CRYBG1: variants seen among roughly 807,000 people sequenced by gnomAD.
CRYBG1 encodes crystallin beta-gamma domain containing 1.
A neutral mutation model predicts 189.2 loss-of-function variants in CRYBG1; 139 were observed. That is an observed-to-expected ratio of 0.73 (90% CI 0.64 to 0.85). The LOEUF (loss-of-function observed/expected upper bound fraction) is 0.85. CRYBG1 is among the 40% of genes least tolerant of loss of function. CRYBG1 has a pLI of 0.00. For missense variants in CRYBG1, 2,611 were observed against 2,675.8 expected (o/e 0.98, Z 0.53); for synonymous variants, 1,023 against 1,017.1 (o/e 1.01, Z -0.11).
chr6:106,450,429 T>A (rs559163906), intron 1 of CRYBG1, among the ~76,000 whole-genome samples: 1 of 152,202 alleles, frequency 6.6e-6, no homozygotes, highest in South Asian at 2.1e-4. Context: ...TTTTTAGTTC[T>A]CTTTCTACTT....
chr6:106,361,362 C>T (rs200589250), intron 1 of CRYBG1, among the ~76,000 whole-genome samples: 1 of 152,332 alleles, frequency 6.6e-6, no homozygotes, highest in East Asian at 1.9e-4. Context: ...AGGAGCCTCC[C>T]GCATCAGCCT....
Position 106,374,840 on chromosome 6 carries a change from A to G in CRYBG1, c.173+13759A>G, listed in dbSNP as rs538999665. Among the ~76,000 whole-genome samples, 18 of 152,312 alleles carry G rather than the reference A, an allele frequency of 1.2e-4. No individual in the cohort carries two copies. The East Asian group carries it at 3.1e-3, about 26-fold the overall frequency. ...CTAGCACTAAGTTCTTTACTGATAT[A>G]TATACTCAGTTCTAGATTACCTACT... On this transcript the variant is annotated intron_variant, in intron 1 of 21. Transcript: ENST00000633556.
chr6:106,466,357 A>G (rs1772115025), intron 2 of CRYBG1, among the ~76,000 whole-genome samples: 1 of 152,218 alleles, frequency 6.6e-6, no homozygotes, highest in African/African-American at 2.4e-5. Context: ...ACATTCATTC[A>G]AAGCTCACTG....
chr6:106,494,433 TG>T (rs1317726391), intron 2 of CRYBG1, among the ~76,000 whole-genome samples: 2 of 152,310 alleles, frequency 1.3e-5, no homozygotes, highest in Non-Finnish European at 2.9e-5. Context: ...GCATTTCAAA[TG>T]CATATTCACC....
In CRYBG1 at chr6:106,501,429, G is replaced by A. The variant is rs140624017; in HGVS notation, c.313-10001G>A. On this transcript the variant is annotated intron_variant, in intron 2 of 21. Transcript: ENST00000633556. ...TATGCCAAGTTCTGCAGACAAATTA[G>A]CTCTGTTAGAAACTACATCTGATAA... 3.2e-4 allele frequency among the ~76,000 whole-genome samples: 49 copies of A among 152,318 alleles called. No individual in the cohort carries two copies. In the East Asian group the frequency reaches 6.4e-3, roughly 20 times the overall value.
At chr6:106,554,244 G>A (rs539717000) in intron 16 of CRYBG1, among the ~76,000 whole-genome samples, 2 of 152,248 alleles carry the variant, frequency 1.3e-5, no homozygotes, top group South Asian at 2.1e-4. Context: ...TTAATCACGT[G>A]GTTCTTTATG....
In CRYBG1 at chr6:106,511,731, C is replaced by T. The variant is rs534717937; in HGVS notation, c.614C>T (p.Ala205Val). ...GELPESGGPA[A>V]PPDAELSPRW... is the part of the protein sequence containing the mutation. ...CTCCCCGAGAGCGGTGGCCCCGCAG[C>T]CCCCCCTGACGCCGAGCTGTCACCT... is the stretch of plus-strand genomic sequence containing the variant. The change falls in exon 3 of 22, where the codon GCC (alanine) becomes GTC (valine). Residue 205 changes from alanine (A) to valine (V), a missense_variant. Ala to Val is a moderately conservative substitution (Grantham distance 64, BLOSUM62 0). Around this residue, in one of 3 missense-constraint regions of CRYBG1, gnomAD observed 985 missense variants for 924.4 expected, o/e 1.07. Coordinates refer to ENST00000633556, the MANE Select transcript of CRYBG1 (RefSeq NM_001371242.2). 131 of 1,534,702 alleles carry T rather than the reference C, an allele frequency of 8.5e-5. No individual in the cohort carries two copies. The highest frequency in any genetic ancestry group is 3.7e-4 in the South Asian group (31 of 83,942).
intron 13 of CRYBG1, among the ~76,000 whole-genome samples, chr6:106,547,653 T>C (rs1341906503): frequency 1.3e-5 from 2 of 152,238 alleles, no homozygotes; most frequent in Non-Finnish European, 1.5e-5. Flanking sequence ...CTTTATTTCT[T>C]ATTATGGCAT....
intron 3 of CRYBG1, among the ~76,000 whole-genome samples, chr6:106,517,319 TATATATATACAC>T (rs1562098909): frequency 2.9e-5 from 4 of 138,176 alleles, no homozygotes; most frequent in African/African-American, 1.2e-4. Flanking sequence ...CACACACACA[TATATATATACAC>T]ATATATATAT....
chr6:106,504,096 G>A (rs1003808039), intron 2 of CRYBG1, among the ~76,000 whole-genome samples: 10 of 148,738 alleles, frequency 6.7e-5, no homozygotes, highest in African/African-American at 2.5e-4. Flanking sequence ...ACATTATGTT[G>A]AAATGACAGA....
intron 13 of CRYBG1, among the ~76,000 whole-genome samples, chr6:106,549,204 T>C (rs1774342100): frequency 6.6e-6 from 1 of 152,178 alleles, no homozygotes; most frequent in South Asian, 2.1e-4. Context: ...GGCTTTACTG[T>C]TGCTTCCTTT....
chr6:106,536,697 ATTTG>A (rs1012167251), intron 8 of CRYBG1, among the ~76,000 whole-genome samples: 6 of 152,232 alleles, frequency 3.9e-5, no homozygotes, highest in Non-Finnish European at 8.8e-5. Flanking sequence ...GTAGGTATAC[ATTTG>A]TTTGTTTAAA....
chr6:106,362,629 T>C (rs1222270357), intron 1 of CRYBG1, among the ~76,000 whole-genome samples: 1 of 152,008 alleles, frequency 6.6e-6, no homozygotes, highest in Admixed American at 6.6e-5. Context: ...TAGGTGTGAG[T>C]GGGTAAGGGT....
chr6:106,435,243 A>G (rs1267696401), intron 1 of CRYBG1, among the ~76,000 whole-genome samples: 2 of 152,006 alleles, frequency 1.3e-5, no homozygotes, highest in Non-Finnish European at 2.9e-5. Context: ...ATAGCTTACT[A>G]CAGCCTCAAA....
At chr6:106,387,132 T>C (rs1325193428) in intron 1 of CRYBG1, among the ~76,000 whole-genome samples, 1 of 152,176 alleles carries the variant, frequency 6.6e-6, no homozygotes, top group African/African-American at 2.4e-5. Context: ...CCCAAGTTAA[T>C]AAGGAATAAG....
intron 2 of CRYBG1, among the ~76,000 whole-genome samples, chr6:106,497,981 G>T (rs1397262575): frequency 6.6e-6 from 1 of 151,936 alleles, no homozygotes; most frequent in Non-Finnish European, 1.5e-5. Flanking sequence ...CACGCCTGTA[G>T]TCCCAGCTGC....
At chr6:106,403,151 A>C (rs1258320553) in intron 1 of CRYBG1, among the ~76,000 whole-genome samples, 1 of 152,148 alleles carries the variant, frequency 6.6e-6, no homozygotes, top group African/African-American at 2.4e-5. Context: ...CCTGGGCAAC[A>C]AAGCCAGACG....
chr6:106,497,228 GA>G (rs1445613099), intron 2 of CRYBG1, among the ~76,000 whole-genome samples: 14 of 151,920 alleles, frequency 9.2e-5, no homozygotes, highest in Non-Finnish European at 2.1e-4. Flanking sequence ...CATACGAGGG[GA>G]AATCAGGCCG....
chr6:106,393,218 G>A (rs187170792), intron 1 of CRYBG1, among the ~76,000 whole-genome samples: 8 of 152,178 alleles, frequency 5.3e-5, no homozygotes, highest in Non-Finnish European at 1.0e-4. Flanking sequence ...GATGGAACAT[G>A]GAGGAGCTGT....
Sources: gnomAD v4.1 joint callset for allele counts (sites outside exome capture counted in the v4.1 genomes callset) on GRCh38, gnomAD v4.1.1 for gene constraint, gnomAD v4.1.1 regional missense constraint, MANE v1.5 for transcripts, NCBI Gene and HGNC (gene_info 2026-07-23, HGNC 2026-07-21) for gene names.